The following ZFAND2A variants were observed in gnomAD, a reference collection of about 807,000 sequenced individuals.
The protein encoded by ZFAND2A is AN1-type zinc finger protein 2A.
A neutral mutation model predicts 11.6 loss-of-function variants in ZFAND2A; 20 were observed. The ratio of observed to expected loss-of-function variants is 1.72; its 90% CI spans 1.21 to 2.50. ZFAND2A has a LOEUF of 2.50. Ranked by LOEUF, ZFAND2A falls within the 30% of genes most tolerant of loss-of-function variation. The pLI is 0.00. For missense variants in ZFAND2A, 234 were observed against 182.9 expected, an observed-to-expected ratio of 1.28 and a Z score of -1.61; for synonymous variants, 93 against 60.6, an observed-to-expected ratio of 1.54 and a Z score of -2.48.
chr7:1,157,581 G>C, intron 3 of ZFAND2A, 75 bp downstream of exon 3: 1 of 1,409,506 alleles, frequency 7.1e-7, no homozygotes, highest in Non-Finnish European at 9.7e-7. Flanking sequence ...TACGTCGCTA[G>C]TCCCTACCAT....
Position 1,155,481 on chromosome 7 carries a change from T to A in ZFAND2A, c.254A>T (p.Asp85Val), listed in dbSNP as rs757789444. ...VVGDHIDRDC[D>V]SHPGKKKEKI... ...CTCTTTCTTCTTCCCAGGGTGAGAGTCACAGTCTCTGTCAATGTGATCACC... is the reference window on the plus strand; with the variant it reads ...CTCTTTCTTCTTCCCAGGGTGAGAGACACAGTCTCTGTCAATGTGATCACC... Residue 85 changes from aspartate to valine, a missense_variant, in exon 4 of 5, where the codon GAC becomes GTC. Coordinates refer to ENST00000316495, the MANE Select transcript of ZFAND2A (RefSeq NM_182491.4). 15 of 1,612,984 alleles carry A rather than the reference T, an allele frequency of 9.3e-6. No individual in the cohort carries two copies. In the South Asian group the frequency reaches 1.5e-4, roughly 17 times the overall value.
At chr7:1,156,668 T>C (rs1164444733) in intron 3 of ZFAND2A, among the ~76,000 whole-genome samples, 1 of 152,144 alleles carries the variant, frequency 6.6e-6, no homozygotes, top group African/African-American at 2.4e-5. Context: ...GAAAGGTCAA[T>C]GAGAAAACCG....
chr7:1,157,808 G>T, intron 2 of ZFAND2A, 58 bp from the exon 3 acceptor site: 1 of 1,321,354 alleles, frequency 7.6e-7, no homozygotes, highest in Non-Finnish European at 1.0e-6. Flanking sequence ...CTTCCAGATA[G>T]TACTATCAAA....
downstream of ZFAND2A, among the ~76,000 whole-genome samples, chr7:1,151,140 C>T (rs907503952): frequency 3.3e-4 from 50 of 152,064 alleles, no homozygotes; most frequent in African/African-American, 1.2e-3. Context: ...CGCCTGCCTC[C>T]GCCTCCCAAA....
At chr7:1,157,499 G>C in intron 3 of ZFAND2A, 157 bp downstream of exon 3, 1 of 660,000 alleles carries the variant, frequency 1.5e-6, no homozygotes, top group Non-Finnish European at 2.6e-6. Flanking sequence ...CTGCCTAACA[G>C]CAGGCACCTG....
chr7:1,158,092 T>A, intron 2 of ZFAND2A, 66 bp downstream of exon 2: 1 of 1,493,412 alleles, frequency 6.7e-7, no homozygotes, highest in Non-Finnish European at 9.3e-7. Context: ...ATCAGCTAAT[T>A]AACAGAACAG....
At chr7:1,151,621 G>A (rs1305998861), downstream of ZFAND2A, among the ~76,000 whole-genome samples, 2 of 152,048 alleles carry the variant, frequency 1.3e-5, no homozygotes, top group African/African-American at 4.8e-5. Flanking sequence ...AGCCGGGCAT[G>A]GCAGTTTGGT....
At chr7:1,156,033 G>A (rs994823599) in intron 3 of ZFAND2A, among the ~76,000 whole-genome samples, 3 of 152,262 alleles carry the variant, frequency 2.0e-5, no homozygotes, top group South Asian at 2.1e-4. Flanking sequence ...GAGGCCACGT[G>A]TACCTAGGGT....
At position 1,159,808 on chromosome 7, in the gene ZFAND2A, A is replaced by G. The variant is rs1330281780; in HGVS notation, c.-46+156T>C. On this transcript the variant is annotated intron_variant, in intron 1 of 4. Coordinates refer to ENST00000316495, the MANE Select transcript of ZFAND2A (RefSeq NM_182491.4). ...CCAGACCCCGGCAGGCCCGGTCCCC[A>G]GCAGACAGGCCGGACCCCCAGCAGC... is the stretch of plus-strand genomic sequence containing the variant. Among the ~76,000 whole-genome samples the G allele has an allele frequency of 1.9e-5, 2 of 103,446 alleles. 1 individual carries two copies. The highest frequency in any genetic ancestry group is 1.9e-4 in the Admixed American group (2 of 10,322). 67.9% of individuals were successfully genotyped at this position (103,446 alleles called of 152,430 possible).
Position 1,159,083 on chromosome 7 carries a change from C to T in ZFAND2A, c.-45-826G>A, listed in dbSNP as rs116420729. On this transcript the variant is annotated intron_variant, in intron 1 of 4. Transcript: ENST00000316495. ...GCCTCAGTTTAAAGCCATTCCCACC[C>T]TCCCCAGTTCCCTCTATGTTACACG... Among the ~76,000 whole-genome samples, 756 of 152,278 alleles carry T rather than the reference C, an allele frequency of 5.0e-3. 4 individuals are homozygous for T. The highest frequency in any genetic ancestry group is 0.017 in the African/African-American group (723 of 41,546).
chr7:1,149,340 C>T (rs544428488), downstream of ZFAND2A, among the ~76,000 whole-genome samples: 519 of 152,270 alleles, frequency 3.4e-3, 2 homozygotes, highest in Non-Finnish European at 6.1e-3. Flanking sequence ...GTGCTGCAGA[C>T]GCAGGGAAGT....
At chr7:1,149,853 GTT>G (rs11349429), downstream of ZFAND2A, among the ~76,000 whole-genome samples, 4,748 of 139,830 alleles carry the variant, frequency 0.034, 136 homozygotes, top group East Asian at 0.17. Flanking sequence ...TTGTTCTTAA[GTT>G]TTTTTTTTTT....
At chr7:1,152,833 C>G, downstream of ZFAND2A, 1 of 665,818 alleles carries the variant, frequency 1.5e-6, no homozygotes, top group Non-Finnish European at 2.7e-6. Context: ...GTGAAAGAAC[C>G]GATTTCTATG....
Position 1,158,233 on chromosome 7 carries a change from C to A in ZFAND2A, c.-21G>T. 1.2e-6 allele frequency: 2 copies of A among 1,612,996 alleles called. No homozygotes were observed. The highest frequency in any genetic ancestry group is 1.7e-6 in the Non-Finnish European group (2 of 1,179,454). Reference sequence around the variant, plus strand: ...TCCATTATGAGAACAGTGCTCAAAACGCAGATGGCGGAGTTAAGTGTCACC... The same window carrying A: ...TCCATTATGAGAACAGTGCTCAAAAAGCAGATGGCGGAGTTAAGTGTCACC... On this transcript the variant is annotated 5_prime_UTR_variant, in exon 2 of 5. Coordinates refer to ENST00000316495, the MANE Select transcript of ZFAND2A (RefSeq NM_182491.4).
downstream of ZFAND2A, among the ~76,000 whole-genome samples, chr7:1,150,887 C>CTTTTTTTTTTT (rs10568309): frequency 8.5e-4 from 109 of 128,082 alleles, no homozygotes; most frequent in African/African-American, 2.2e-3. Context: ...ACAACTGTGC[C>CTTTTTTTTTTT]TTTTTTTTTT....
At position 1,158,236 on chromosome 7, in the gene ZFAND2A, A is replaced by T. The variant is rs780649484; in HGVS notation, c.-24T>A. On this transcript the variant is annotated 5_prime_UTR_variant, in exon 2 of 5. Transcript: ENST00000316495. ...ATTATGAGAACAGTGCTCAAAACGCAGATGGCGGAGTTAAGTGTCACCTAC... is the reference window on the plus strand; with the variant it reads ...ATTATGAGAACAGTGCTCAAAACGCTGATGGCGGAGTTAAGTGTCACCTAC... 6.2e-7 allele frequency: 1 copy of T among 1,612,468 alleles called. No homozygotes were observed. The highest frequency in any genetic ancestry group is 8.5e-7 in the Non-Finnish European group (1 of 1,178,984).
intron 3 of ZFAND2A, 97 bp from the exon 4 acceptor site, chr7:1,155,681 A>C: frequency 5.4e-6 from 8 of 1,467,956 alleles, no homozygotes; most frequent in East Asian, 4.9e-5. Context: ...CTTAAACACA[A>C]AGAGAGGACA....
chr7:1,156,185 G>A lies in ZFAND2A; in HGVS notation c.151-601C>T, dbSNP rs184123823. ...TGCCCAGCAGCTGAAGGCCCAGCAA[G>A]GCTAAAAACCTGAGCTGGGGGCTCC... On this transcript the variant is annotated intron_variant, in intron 3 of 4. Transcript: ENST00000316495. Among the ~76,000 whole-genome samples, 158 of 115,660 alleles carry A rather than the reference G, an allele frequency of 1.4e-3. 8 individuals are homozygous for A. The highest frequency in any genetic ancestry group is 6.1e-3 in the African/African-American group (142 of 23,134). 75.9% of individuals were successfully genotyped at this position (115,660 alleles called of 152,430 possible).
At chr7:1,149,562 C>G (rs1243926531), downstream of ZFAND2A, among the ~76,000 whole-genome samples, 1 of 152,206 alleles carries the variant, frequency 6.6e-6, no homozygotes, top group African/African-American at 2.4e-5. Flanking sequence ...CACATGTCAC[C>G]CACCGTCAGG....
Sources: gnomAD v4.1 joint callset for allele counts (sites outside exome capture counted in the v4.1 genomes callset) on GRCh38, gnomAD v4.1.1 for gene constraint, MANE v1.5 for transcripts, NCBI Gene and HGNC (gene_info 2026-07-23, HGNC 2026-07-21) for gene names.